LRIG3: variants seen among roughly 807,000 people sequenced by gnomAD.
LRIG3 encodes leucine rich repeats and immunoglobulin like domains 3.
Under a neutral mutation model 114.5 loss-of-function variants are expected in LRIG3, and 76 were observed. The ratio of observed to expected loss-of-function variants is 0.66; its 90% CI spans 0.55 to 0.80. The LOEUF (loss-of-function observed/expected upper bound fraction) is 0.80. LRIG3 is among the 30% of genes least tolerant of loss of function. The pLI is 0.00. For synonymous variants in LRIG3, 512 were observed against 519.8 expected, an observed-to-expected ratio of 0.98 and a Z score of 0.20; for missense variants, 1,239 against 1,382.8, an observed-to-expected ratio of 0.90 and a Z score of 1.65.
At chr12:58,889,108 G>A in intron 5 of LRIG3, 146 bp from the exon 6 acceptor site, 1 of 781,414 alleles carries the variant, frequency 1.3e-6, no homozygotes, top group Non-Finnish European at 2.0e-6. Context: ...TTATTGCAAA[G>A]AATTTCAATT....
chr12:58,889,348 C>T (rs1387782409), intron 5 of LRIG3, among the ~76,000 whole-genome samples: 1 of 152,194 alleles, frequency 6.6e-6, no homozygotes, highest in Non-Finnish European at 1.5e-5. Context: ...AATCTGTTTA[C>T]AAGTTGGTTA....
At chr12:58,899,969 C>T (rs1221491255) in intron 3 of LRIG3, among the ~76,000 whole-genome samples, 2 of 152,104 alleles carry the variant, frequency 1.3e-5, no homozygotes, top group Non-Finnish European at 2.9e-5. Flanking sequence ...GGGGGTGTTG[C>T]CTTCAGTATT....
intron 16 of LRIG3, among the ~76,000 whole-genome samples, chr12:58,875,492 A>G (rs1176823703): frequency 2.6e-5 from 4 of 152,182 alleles, no homozygotes; most frequent in Non-Finnish European, 5.9e-5. Flanking sequence ...ATAAATACTT[A>G]TGGGAAAAGT....
At chr12:58,885,011 T>A (rs1300370670) in intron 10 of LRIG3, among the ~76,000 whole-genome samples, 1 of 152,176 alleles carries the variant, frequency 6.6e-6, no homozygotes, top group African/African-American at 2.4e-5. Context: ...TTTCCTCTCT[T>A]AGTGGCTGAA....
At chr12:58,905,411 G>C (rs1229419673) in intron 3 of LRIG3, among the ~76,000 whole-genome samples, 4 of 152,118 alleles carry the variant, frequency 2.6e-5, no homozygotes, top group Non-Finnish European at 4.4e-5. Context: ...TCCAATAAAA[G>C]ATTACAACTT....
chr12:58,873,141 C>A (rs1592290844), intron 18 of LRIG3, among the ~76,000 whole-genome samples: 1 of 152,078 alleles, frequency 6.6e-6, no homozygotes, highest in African/African-American at 2.4e-5. Flanking sequence ...AGCTGAGAGC[C>A]CAATTTTGGT....
intron 16 of LRIG3, among the ~76,000 whole-genome samples, chr12:58,875,134 T>C (rs544519120): frequency 2.6e-5 from 4 of 152,140 alleles, no homozygotes; most frequent in African/African-American, 9.7e-5. Flanking sequence ...AAAGCAAATA[T>C]GCAGAACGTG....
intron 3 of LRIG3, among the ~76,000 whole-genome samples, chr12:58,911,422 A>G (rs1379431613): frequency 2.6e-5 from 4 of 152,190 alleles, no homozygotes; most frequent in Admixed American, 1.3e-4. Flanking sequence ...ATTAAATCCT[A>G]TGGTTAAGAC....
At chr12:58,898,271 A>C (rs1015160694) in intron 3 of LRIG3, among the ~76,000 whole-genome samples, 2 of 152,194 alleles carry the variant, frequency 1.3e-5, no homozygotes, top group African/African-American at 4.8e-5. Context: ...CGTTTTTGTG[A>C]ACCTTAATTT....
At chr12:58,907,929 A>C (rs1872127101) in intron 3 of LRIG3, among the ~76,000 whole-genome samples, 1 of 152,206 alleles carries the variant, frequency 6.6e-6, no homozygotes, top group African/African-American at 2.4e-5. Flanking sequence ...TGACCATGTC[A>C]TTAGAGACTA....
At chr12:58,877,045 C>G (rs779439649) in intron 15 of LRIG3, among the ~76,000 whole-genome samples, 12 of 152,160 alleles carry the variant, frequency 7.9e-5, no homozygotes, top group Non-Finnish European at 1.5e-4. Context: ...CATGCACATA[C>G]GCACAGACAA....
At chr12:58,893,297 T>G (rs1871518088) in intron 3 of LRIG3, among the ~76,000 whole-genome samples, 1 of 152,224 alleles carries the variant, frequency 6.6e-6, no homozygotes, top group African/African-American at 2.4e-5. Context: ...GTGGATTGTC[T>G]TTTTCCAACT....
At chr12:58,889,703 C>T (rs370344655) in intron 5 of LRIG3, among the ~76,000 whole-genome samples, 20 of 152,030 alleles carry the variant, frequency 1.3e-4, no homozygotes, top group East Asian at 5.8e-4. Context: ...GTTGAGACCT[C>T]GGATTTTTTC....
At chr12:58,884,988 A>C (rs1448293749) in intron 10 of LRIG3, among the ~76,000 whole-genome samples, 1 of 152,130 alleles carries the variant, frequency 6.6e-6, no homozygotes, top group East Asian at 1.9e-4. Context: ...GATTCCTATC[A>C]ATGTTAGCTA....
chr12:58,895,174 G>A (rs1871596202), intron 3 of LRIG3, among the ~76,000 whole-genome samples: 1 of 152,180 alleles, frequency 6.6e-6, no homozygotes, highest in Non-Finnish European at 1.5e-5. Flanking sequence ...TGAGAGCACT[G>A]GAGTTCTACA....
At chr12:58,881,910 TA>T (rs1871141044) in intron 12 of LRIG3, among the ~76,000 whole-genome samples, 1 of 152,124 alleles carries the variant, frequency 6.6e-6, no homozygotes, top group Non-Finnish European at 1.5e-5. Context: ...TTCAACGTAA[TA>T]GGGGGATCAG....
chr12:58,897,038 A>G (rs1021430202), intron 3 of LRIG3, among the ~76,000 whole-genome samples: 1 of 152,224 alleles, frequency 6.6e-6, no homozygotes, highest in African/African-American at 2.4e-5. Flanking sequence ...AACACCCCAT[A>G]ATATCAGGCA....
At chr12:58,897,942 C>T (rs901083443) in intron 3 of LRIG3, among the ~76,000 whole-genome samples, 7 of 152,102 alleles carry the variant, frequency 4.6e-5, no homozygotes, top group Non-Finnish European at 1.0e-4. Context: ...TGGAGAGAAC[C>T]TCTGATTTAT....
At position 58,876,172 on chromosome 12, in the gene LRIG3, A is replaced by T. The variant is rs146204782; in HGVS notation, c.2695+273T>A. On this transcript the variant is annotated intron_variant, in intron 16 of 18. Coordinates refer to ENST00000320743, the MANE Select transcript of LRIG3 (RefSeq NM_153377.5). Reference sequence around the variant, plus strand: ...CATTTAAGGGCCAAAGAACATTTATAATGTAAAGGATACACAAATATCCTT... The same window carrying T: ...CATTTAAGGGCCAAAGAACATTTATTATGTAAAGGATACACAAATATCCTT... 2.1e-3 allele frequency among the ~76,000 whole-genome samples: 327 copies of T among 152,364 alleles called. 2 individuals carry two copies. The highest frequency in any genetic ancestry group is 7.5e-3 in the East Asian group (39 of 5,188).
Sources: allele counts gnomAD v4.1 joint callset (sites outside exome capture counted in the v4.1 genomes callset), GRCh38; gene constraint gnomAD v4.1.1; transcripts MANE v1.5; gene names NCBI Gene and HGNC (gene_info 2026-07-23, HGNC 2026-07-21).